The following BCR variants were observed in gnomAD, a reference collection of about 807,000 sequenced individuals.
BCR encodes the protein breakpoint cluster region protein.
In BCR, 58 loss-of-function variants were observed where a neutral mutation model predicts 138.6. The ratio of observed to expected loss-of-function variants is 0.42; its 90% confidence interval spans 0.34 to 0.52. The LOEUF (loss-of-function observed/expected upper bound fraction) is 0.52. Ranked by LOEUF, BCR falls within the 20% of genes least tolerant of loss-of-function variation. The pLI, the probability that BCR is intolerant of heterozygous loss-of-function variation, is 0.06. For synonymous variants in BCR, 786 were observed against 730.1 expected (o/e 1.08, Z -1.23); for missense variants, 1,599 against 1,727.2 (o/e 0.93, Z 1.32).
intron 1 of BCR, among the ~76,000 whole-genome samples, chr22:23,228,589 C>G (rs940636190): frequency 6.6e-6 from 1 of 152,158 alleles, no homozygotes; most frequent in Non-Finnish European, 1.5e-5. Flanking sequence ...CTGAGAAGGT[C>G]TTTATTTTGC....
intron 2 of BCR, among the ~76,000 whole-genome samples, chr22:23,254,898 C>T (rs1463165586): frequency 1.3e-5 from 2 of 152,108 alleles, no homozygotes; most frequent in Non-Finnish European, 2.9e-5. Context: ...CATGGTGGCT[C>T]ACACCTATAA....
chr22:23,248,370 A>C (rs1834632355), intron 1 of BCR, among the ~76,000 whole-genome samples: 1 of 151,492 alleles, frequency 6.6e-6, no homozygotes, highest in Non-Finnish European at 1.5e-5. Context: ...AAAATCAGTT[A>C]TTTTGGGTAC....
intron 16 of BCR, among the ~76,000 whole-genome samples, chr22:23,297,221 GTTTTTTT>G (rs796682596): frequency 3.5e-5 from 4 of 114,902 alleles, no homozygotes; most frequent in South Asian, 2.9e-4. Flanking sequence ...TTTGTTTTTT[GTTTTTTT>G]TTTTTTTTTC....
At chr22:23,184,740 CCCTGGG>C (rs1394760874) in intron 1 of BCR, among the ~76,000 whole-genome samples, 1 of 152,196 alleles carries the variant, frequency 6.6e-6, no homozygotes, top group African/African-American at 2.4e-5. Context: ...CTTCTTTTAG[CCCTGGG>C]CACCTTGACA....
chr22:23,313,482 C>T lies in BCR; in HGVS notation c.3457+461C>T, dbSNP rs368468787. ...TCACCCTTAGGGCAGGTCTGCCTCCCGGGCCCATGCACAGAGGACCTGGTC... is the reference window on the plus strand; with the variant it reads ...TCACCCTTAGGGCAGGTCTGCCTCCTGGGCCCATGCACAGAGGACCTGGTC... On this transcript the variant is annotated intron_variant, in intron 20 of 22. Transcript: ENST00000305877. Among the ~76,000 whole-genome samples, 30 of 152,350 alleles carry T rather than the reference C, an allele frequency of 2.0e-4. No homozygotes were observed. In the South Asian group the frequency reaches 4.3e-3, roughly 22 times the overall value.
rs1465938764 is a variant in BCR, at chr22:23,180,560, G to A, written c.-401G>A. The stretch of plus-strand genomic sequence containing the variant: ...GGCGAGAGCCGGCTGGCTGAGCTTA[G>A]CGTCCGAGGAGGCGGCGGCGGCGGC... On this transcript the variant is annotated 5_prime_UTR_variant, in exon 1 of 23. Coordinates refer to ENST00000305877, the MANE Select transcript of BCR (RefSeq NM_004327.4). 1.4e-5 allele frequency: 2 copies of A among 146,068 alleles called. No individual in the cohort carries two copies. Among genetic ancestry groups the A allele is most frequent in the Non-Finnish European group, 2.4e-5 (2 of 81,994 alleles). The allele number at this position is 146,068 out of a possible 1,614,324, so 9.0% of individuals were successfully genotyped here. A position where few individuals can be genotyped will look rare whatever the true frequency, so the allele number is the denominator to read the frequency against.
At chr22:23,185,904 T>C (rs1357673640) in intron 1 of BCR, among the ~76,000 whole-genome samples, 1 of 151,958 alleles carries the variant, frequency 6.6e-6, no homozygotes, top group East Asian at 2.0e-4. Flanking sequence ...AATTTTTTTG[T>C]ATTTTTAGTA....
intron 1 of BCR, among the ~76,000 whole-genome samples, chr22:23,196,082 A>T (rs992881491): frequency 4.6e-5 from 7 of 152,172 alleles, no homozygotes; most frequent in Non-Finnish European, 7.3e-5. Flanking sequence ...GTGTTTTTTT[A>T]AATTGTAGTA....
Position 23,315,489 on chromosome 22 carries a change from G to A in BCR, c.3783G>A (p.Lys1261=), listed in dbSNP as rs1370551232. 1 of 1,612,728 alleles carries A rather than the reference G, an allele frequency of 6.2e-7. No homozygotes were observed. Among genetic ancestry groups the A allele is most frequent in the Non-Finnish European group, 8.5e-7 (1 of 1,180,020 alleles). ...AGGCCATCCCTGCCCCGGACAGCAA[G>A]AGACAGAGCATCCTGTTCTCCACCG... ...QLEAIPAPDS[K]RQSILFSTEV Residue 1261 remains lysine, a synonymous_variant, in exon 23 of 23, where the codon AAG becomes AAA. Coordinates refer to ENST00000305877, the MANE Select transcript of BCR (RefSeq NM_004327.4).
At chr22:23,256,535 A>G (rs1352244656) in intron 2 of BCR, among the ~76,000 whole-genome samples, 7 of 152,122 alleles carry the variant, frequency 4.6e-5, no homozygotes, top group Admixed American at 3.9e-4. Flanking sequence ...CCGCAGGACA[A>G]TGTCCAGTCT....
At chr22:23,197,918 G>T (rs972053846) in intron 1 of BCR, among the ~76,000 whole-genome samples, 12 of 152,048 alleles carry the variant, frequency 7.9e-5, no homozygotes, top group African/African-American at 2.7e-4. Flanking sequence ...GGGATGGTGA[G>T]CGCTGTGCTG....
At chr22:23,197,361 T>C (rs1469850651) in intron 1 of BCR, among the ~76,000 whole-genome samples, 8 of 152,214 alleles carry the variant, frequency 5.3e-5, no homozygotes, top group Admixed American at 4.6e-4. Context: ...TCTCAACATA[T>C]CCCCTTTTAA....
At chr22:23,221,853 G>T (rs1444579681) in intron 1 of BCR, among the ~76,000 whole-genome samples, 1 of 152,142 alleles carries the variant, frequency 6.6e-6, no homozygotes, top group East Asian at 1.9e-4. Flanking sequence ...GCACTTTGCG[G>T]GGCCGAGGCA....
Position 23,285,122 on chromosome 22 carries a change from T to TCCCCCTGGTGCCCGATGAGGAG in BCR, c.2329_2350dup (p.Leu784ProfsTer6). ...GATGAACTGGAGGCAGTGCCCAACA[T>TCCCCCTGGTGCCCGATGAGGAG]CCCCCTGGTGCCCGATGAGGAGCTG... On this transcript the variant is annotated frameshift_variant, in exon 10 of 23. Coordinates refer to ENST00000305877, the MANE Select transcript of BCR (RefSeq NM_004327.4). LOFTEE classifies it high-confidence loss of function. 6.2e-7 allele frequency: 1 copy of TCCCCCTGGTGCCCGATGAGGAG among 1,613,852 alleles called. No homozygotes were observed. Among genetic ancestry groups the TCCCCCTGGTGCCCGATGAGGAG allele is most frequent in the Non-Finnish European group, 8.5e-7 (1 of 1,179,944 alleles).
chr22:23,185,703 G>T (rs1369139582), intron 1 of BCR, among the ~76,000 whole-genome samples: 1 of 149,900 alleles, frequency 6.7e-6, no homozygotes. Context: ...CTCACAGAAG[G>T]AGAGTGTGGT....
At chr22:23,202,008 T>A (rs2072558811) in intron 1 of BCR, among the ~76,000 whole-genome samples, 1 of 152,234 alleles carries the variant, frequency 6.6e-6, no homozygotes, top group Non-Finnish European at 1.5e-5. Flanking sequence ...TAGTTGGGTG[T>A]CCGGCCTTAG....
At chr22:23,220,704 A>C (rs2256725) in intron 1 of BCR, among the ~76,000 whole-genome samples, 17,437 of 152,114 alleles carry the variant, frequency 0.11, 1,163 homozygotes, top group East Asian at 0.24. Context: ...GTGGGTGTTG[A>C]TTTCGGAGCT....
intron 4 of BCR, among the ~76,000 whole-genome samples, chr22:23,267,371 A>C (rs2073454690): frequency 6.6e-6 from 1 of 152,120 alleles, no homozygotes; most frequent in Non-Finnish European, 1.5e-5. Context: ...CTTTCCTCGT[A>C]CACTCTAAGA....
intron 1 of BCR, among the ~76,000 whole-genome samples, chr22:23,219,935 C>T (rs913018049): frequency 6.6e-6 from 1 of 152,026 alleles, no homozygotes; most frequent in Non-Finnish European, 1.5e-5. Flanking sequence ...GTGTGTGCAC[C>T]GCCTTCTCGC....
Sources: gnomAD v4.1 joint callset for allele counts (sites outside exome capture counted in the v4.1 genomes callset) on GRCh38, gnomAD v4.1.1 for gene constraint, MANE v1.5 for transcripts, NCBI Gene and HGNC (gene_info 2026-07-23, HGNC 2026-07-21) for gene names.